The following ZFAND3 variants were observed in gnomAD, a reference collection of about 807,000 sequenced individuals.
The protein encoded by ZFAND3 is AN1-type zinc finger protein 3.
Under a neutral mutation model 29.6 loss-of-function variants are expected in ZFAND3, and 10 were observed. The ratio of observed to expected loss-of-function variants is 0.34; its 90% CI spans 0.21 to 0.57. The LOEUF is 0.57. Ranked by LOEUF, ZFAND3 falls within the 20% of genes least tolerant of loss-of-function variation. The probability of loss-of-function intolerance (pLI) is 0.86; values close to 1 mark genes in which losing one functional copy is unlikely to be tolerated. For synonymous variants in ZFAND3, 128 were observed against 112.6 expected, an observed-to-expected ratio of 1.14 and a Z score of -0.87; for missense variants, 230 against 304.5, an observed-to-expected ratio of 0.76 and a Z score of 1.82.
At chr6:38,091,740 C>T (rs1764877191) in intron 4 of ZFAND3, among the ~76,000 whole-genome samples, 3 of 139,156 alleles carry the variant, frequency 2.2e-5, no homozygotes, top group East Asian at 4.5e-4. Context: ...ACTAATAGAA[C>T]AGCGCATCAA....
At chr6:37,823,427 G>T (rs534759327) in intron 1 of ZFAND3, among the ~76,000 whole-genome samples, 2 of 152,310 alleles carry the variant, frequency 1.3e-5, no homozygotes, top group East Asian at 3.9e-4. Flanking sequence ...CAGACTAACG[G>T]CAGTTCCTTT....
At chr6:38,000,751 A>G (rs534021626) in intron 2 of ZFAND3, among the ~76,000 whole-genome samples, 149 of 152,360 alleles carry the variant, frequency 9.8e-4, no homozygotes, top group African/African-American at 3.4e-3. Flanking sequence ...TTAGACTAAA[A>G]GAAAAGACTA....
At chr6:37,932,827 TA>T (rs1326178537) in intron 2 of ZFAND3, among the ~76,000 whole-genome samples, 2 of 152,256 alleles carry the variant, frequency 1.3e-5, no homozygotes. Flanking sequence ...TTTTTGCTTT[TA>T]TAAAAATATT....
intron 2 of ZFAND3, among the ~76,000 whole-genome samples, chr6:37,942,153 A>G (rs181270257): frequency 7.7e-4 from 117 of 152,286 alleles, no homozygotes; most frequent in African/African-American, 2.7e-3. Context: ...GAGTAAGAGT[A>G]TGTTTTAAAT....
At position 38,047,785 on chromosome 6, in the gene ZFAND3, T is replaced by TA. The variant is rs1763932979; in HGVS notation, c.113-13807dup. Among the ~76,000 whole-genome samples, 3 of 152,304 alleles carry TA rather than the reference T, an allele frequency of 2.0e-5. No homozygotes were observed. The South Asian group carries it at 6.2e-4, about 32-fold the overall frequency. On this transcript the variant is annotated intron_variant, in intron 2 of 5. Coordinates refer to ENST00000287218, the MANE Select transcript of ZFAND3 (RefSeq NM_021943.3). ...TCATTCTGGGTTCCTGGAATGAAGA[T>TA]ACGTGGAGCAGAGCTGCTGTCTACC... is the stretch of plus-strand genomic sequence containing the variant.
chr6:37,975,964 G>A (rs1762470256), intron 2 of ZFAND3, among the ~76,000 whole-genome samples: 3 of 152,054 alleles, frequency 2.0e-5, no homozygotes, highest in African/African-American at 2.4e-5. Flanking sequence ...GTAGATTAAC[G>A]GGAAAATTTA....
rs143264110 is a variant in ZFAND3, at chr6:38,040,803, A to G, written c.113-20790A>G. 2.9e-3 allele frequency among the ~76,000 whole-genome samples: 448 copies of G among 152,350 alleles called. 5 individuals are homozygous for G. Among genetic ancestry groups the G allele is most frequent in the African/African-American group, 9.8e-3 (409 of 41,588 alleles). On this transcript the variant is annotated intron_variant, in intron 2 of 5. Transcript: ENST00000287218. ...CTTGAATATTTTCATGTATACTAAGAACAAGGACATTCTCTTAATTTAACC... is the reference window on the plus strand; with the variant it reads ...CTTGAATATTTTCATGTATACTAAGGACAAGGACATTCTCTTAATTTAACC...
At chr6:38,053,720 A>G (rs1764076199) in intron 2 of ZFAND3, among the ~76,000 whole-genome samples, 2 of 152,174 alleles carry the variant, frequency 1.3e-5, no homozygotes, top group South Asian at 2.1e-4. Flanking sequence ...GATGCTATCA[A>G]AGGAATCTTA....
At chr6:37,939,573 A>G (rs1165069271) in intron 2 of ZFAND3, among the ~76,000 whole-genome samples, 1 of 152,196 alleles carries the variant, frequency 6.6e-6, no homozygotes, top group Non-Finnish European at 1.5e-5. Context: ...TCAGTCCACT[A>G]CGGGAATATG....
intron 5 of ZFAND3, among the ~76,000 whole-genome samples, chr6:38,118,624 T>G (rs13196716): frequency 0.47 from 69,448 of 148,908 alleles, 16,879 homozygotes; most frequent in Non-Finnish European, 0.53. Flanking sequence ...GGCTAATGCT[T>G]CTTCTTCTTG....
intron 1 of ZFAND3, among the ~76,000 whole-genome samples, chr6:37,918,382 A>C (rs1186764380): frequency 6.6e-6 from 1 of 151,964 alleles, no homozygotes; most frequent in Non-Finnish European, 1.5e-5. Context: ...GCCTGTGTAG[A>C]TGTCTTTTCC....
chr6:37,912,248 C>G (rs991623953), intron 1 of ZFAND3, among the ~76,000 whole-genome samples: 1 of 152,034 alleles, frequency 6.6e-6, no homozygotes, highest in Non-Finnish European at 1.5e-5. Flanking sequence ...GGATCCTGAT[C>G]CCAGTGCTTT....
chr6:38,073,307 A>G (rs1764491344), intron 3 of ZFAND3, among the ~76,000 whole-genome samples: 1 of 151,112 alleles, frequency 6.6e-6, no homozygotes. Flanking sequence ...GAGATTTATG[A>G]GAATAGTCTT....
chr6:37,911,796 C>T (rs1297537348), intron 1 of ZFAND3, among the ~76,000 whole-genome samples: 1 of 152,102 alleles, frequency 6.6e-6, no homozygotes, highest in Non-Finnish European at 1.5e-5. Flanking sequence ...TGGAGATGAG[C>T]TTGTATATTG....
chr6:38,020,499 T>C (rs900023803), intron 2 of ZFAND3, among the ~76,000 whole-genome samples: 15 of 152,218 alleles, frequency 9.9e-5, no homozygotes, highest in African/African-American at 3.4e-4. Context: ...TTGCATTATT[T>C]ATAAATAAAT....
At chr6:38,014,136 G>A (rs1763211069) in intron 2 of ZFAND3, among the ~76,000 whole-genome samples, 1 of 152,100 alleles carries the variant, frequency 6.6e-6, no homozygotes, top group South Asian at 2.1e-4. Context: ...GGGGCAAAAT[G>A]TAAACGGTTG....
intron 2 of ZFAND3, among the ~76,000 whole-genome samples, chr6:37,981,571 T>C (rs189050351): frequency 4.9e-4 from 75 of 152,298 alleles, no homozygotes; most frequent in Admixed American, 1.8e-3. Context: ...TCAGTAAGTT[T>C]TGTTATAAAT....
At chr6:37,941,607 C>T (rs1265592654) in intron 2 of ZFAND3, among the ~76,000 whole-genome samples, 2 of 152,136 alleles carry the variant, frequency 1.3e-5, no homozygotes, top group Non-Finnish European at 2.9e-5. Context: ...TAGTGAAGCA[C>T]CATTTCTATT....
chr6:37,931,246 G>GA (rs1312604137), intron 2 of ZFAND3, among the ~76,000 whole-genome samples: 2 of 152,178 alleles, frequency 1.3e-5, no homozygotes, highest in Non-Finnish European at 2.9e-5. Context: ...AATGATCTAA[G>GA]AGGATAGTTA....
Sources: gnomAD v4.1 joint callset for allele counts (sites outside exome capture counted in the v4.1 genomes callset) on GRCh38, gnomAD v4.1.1 for gene constraint, MANE v1.5 for transcripts, NCBI Gene and HGNC (gene_info 2026-07-23, HGNC 2026-07-21) for gene names.